Variants in OTOF observed in about 807,000 individuals in gnomAD.
OTOF encodes fer-1-like family member 2.
In OTOF, 218 loss-of-function variants were observed where a neutral mutation model predicts 236.8. The ratio of observed to expected loss-of-function variants is 0.92; its 90% confidence interval spans 0.82 to 1.03. The LOEUF (loss-of-function observed/expected upper bound fraction) is 1.03. Ranked by LOEUF, OTOF falls within the 50% of genes least tolerant of loss-of-function variation. The pLI, the probability that OTOF is intolerant of heterozygous loss-of-function variation, is 0.00. For synonymous variants in OTOF, 1,041 were observed against 1,072.5 expected (o/e 0.97, Z 0.57); for missense variants, 2,590 against 2,694.4 (o/e 0.96, Z 0.86).
rs375712326 is a variant in OTOF at position 26,463,516 on chromosome 2, G to A, written c.5159C>T (p.Thr1720Met). Residue 1720 changes from threonine to methionine, a missense_variant, in exon 41 of 47, where the codon ACG becomes ATG. Physicochemically the swap from Thr to Met is moderately conservative, Grantham distance 81. Transcript: ENST00000272371. ...CTTCCGAGGTGAGATGTCCAGAGGC[G>A]TCCCAGGGGCTGGCATGTCCATGGG... Reference protein sequence around the residue: ...MFPMDMPAPGTPLDISPRKPK... With the variant: ...MFPMDMPAPGMPLDISPRKPK... 512 of 1,608,732 alleles carry A rather than the reference G, an allele frequency of 3.2e-4. 3 individuals are homozygous for A. In the South Asian group the frequency reaches 4.0e-3, roughly 12 times the overall value.
At position 26,465,041 on chromosome 2, in the gene OTOF, G is replaced by A. The variant is rs1426421039; in HGVS notation, c.4800-12C>T. 1 of 1,467,196 alleles carries A rather than the reference G, an allele frequency of 6.8e-7. No individual in the cohort carries two copies. Among genetic ancestry groups the A allele is most frequent in the Non-Finnish European group, 9.1e-7 (1 of 1,103,348 alleles). The allele number at this position is 1,467,196 out of a possible 1,614,324, so 90.9% of individuals were successfully genotyped here. ...TATTGTAGCCATGTCTGTGGGAGGGGACACACAGGCTTGGAGGGGCTGGGT... is the reference window on the plus strand; with the variant it reads ...TATTGTAGCCATGTCTGTGGGAGGGAACACACAGGCTTGGAGGGGCTGGGT... On this transcript the variant is annotated splice_polypyrimidine_tract_variant and intron_variant, in intron 38 of 46. Transcript: ENST00000272371.
rs376124892 is a variant in OTOF at position 26,497,691 on chromosome 2, T to C, written c.766-2618A>G. ...GGGATATTTACAAATGAAGTGACAC[T>C]TGAACTAGGAAGCAAACATTTCCGT... On this transcript the variant is annotated intron_variant, in intron 8 of 46. Transcript: ENST00000272371. 7.2e-5 allele frequency among the ~76,000 whole-genome samples: 11 copies of C among 152,284 alleles called. No homozygotes were observed. The South Asian group carries it at 2.3e-3, about 32-fold the overall frequency.
Position 26,460,133 on chromosome 2 carries a change from A to G in OTOF, c.5886T>C (p.Tyr1962=), listed in dbSNP as rs1307261391. ...KSARYFLWHT[Y]RWLLLKLLLL... is the part of the protein sequence containing the mutation. ...GCAACAGTTTGAGGAGCAGCCAGCGATACGTGTGCCACAAGAAGTAGCGAG... is the reference window on the plus strand; with the variant it reads ...GCAACAGTTTGAGGAGCAGCCAGCGGTACGTGTGCCACAAGAAGTAGCGAG... Residue 1962 remains tyrosine (Y), a synonymous_variant, in exon 46 of 47, where the codon TAT becomes TAC. Coordinates refer to ENST00000272371, the MANE Select transcript of OTOF (RefSeq NM_194248.3). This position sits in a 1 kb window ranked among gnomAD's most constrained non-coding sequence, Gnocchi z 5.3. 4 of 1,599,888 alleles carry G rather than the reference A, an allele frequency of 2.5e-6. No individual in the cohort carries two copies. In the Admixed American group the frequency reaches 6.9e-5, roughly 28 times the overall value.
At chr2:26,537,967 C>T (rs1667115555) in intron 1 of OTOF, among the ~76,000 whole-genome samples, 193 bp from the exon 2 acceptor site, 1 of 152,178 alleles carries the variant, frequency 6.6e-6, no homozygotes, top group East Asian at 1.9e-4. Flanking sequence ...TCTCAGCAGC[C>T]TCGTGAGGGA....
rs1393260699 is a variant in OTOF, at chr2:26,465,968, G to A, written c.4609C>T (p.Leu1537Phe). 1 of 1,614,260 alleles carries A rather than the reference G, an allele frequency of 6.2e-7. No individual in the cohort carries two copies. The highest frequency in any genetic ancestry group is 8.5e-7 in the Non-Finnish European group (1 of 1,180,048). ...RDKENYISKQ[L>F]NPVFGKSFDI... ...CCTTACTTCCCAAAGACAGGGTTGA[G>A]CTGCTTGGAGATGTAGTTCTCCTTG... The change falls in exon 37 of 47, where the codon CTC (leucine) becomes TTC (phenylalanine). Residue 1537 changes from leucine to phenylalanine, a missense_variant. Physicochemically the swap from Leu to Phe is conservative, Grantham distance 22. This residue lies in a region of OTOF where 1,211 missense variants were observed against 1,352.8 expected (regional missense o/e 0.90). Transcript: ENST00000272371.
intron 5 of OTOF, among the ~76,000 whole-genome samples, chr2:26,505,412 TACACAC>T (rs10550936): frequency 6.7e-6 from 1 of 150,186 alleles, no homozygotes; most frequent in Non-Finnish European, 1.5e-5. Context: ...GGAGGTGAGT[TACACAC>T]ACACACACAC....
chr2:26,486,149 T>C (rs1287674808), intron 11 of OTOF, among the ~76,000 whole-genome samples: 1 of 150,998 alleles, frequency 6.6e-6, no homozygotes, highest in East Asian at 1.9e-4. Context: ...TGGGTAGATA[T>C]ATGGATGGGT....
rs968758318 is a variant in OTOF, at chr2:26,461,224, C to T, written c.5534-194G>A. ...GTGGGCTTGCTAGGCAGCCCCAGCC[C>T]CCATGCTTTACTCAGGTCCTTCTTT... is the stretch of plus-strand genomic sequence containing the variant. On this transcript the variant is annotated intron_variant, in intron 43 of 46. Coordinates refer to ENST00000272371, the MANE Select transcript of OTOF (RefSeq NM_194248.3). The surrounding 1 kb of genome is among the most constrained non-coding windows in gnomAD (Gnocchi z 6.2). Among the ~76,000 whole-genome samples, 2 of 152,164 alleles carry T rather than the reference C, an allele frequency of 1.3e-5. No homozygotes were observed. Among genetic ancestry groups the T allele is most frequent in the East Asian group, 3.9e-4 (2 of 5,188 alleles).
chr2:26,556,180 C>A (rs1195673961), intron 1 of OTOF, among the ~76,000 whole-genome samples: 2 of 152,198 alleles, frequency 1.3e-5, no homozygotes, highest in Non-Finnish European at 2.9e-5. Context: ...CACTCAAAAG[C>A]CTTGGGGAGC....
chr2:26,492,385 A>G (rs1462425185), intron 9 of OTOF, among the ~76,000 whole-genome samples: 1 of 152,230 alleles, frequency 6.6e-6, no homozygotes, highest in African/African-American at 2.4e-5. Flanking sequence ...CAGAAACAAA[A>G]TCAGAGCTAT....
At chr2:26,503,267 C>A (rs1038471893) in intron 6 of OTOF, among the ~76,000 whole-genome samples, 1 of 152,246 alleles carries the variant, frequency 6.6e-6, no homozygotes, top group African/African-American at 2.4e-5. Context: ...CTTCCCCTCT[C>A]CAGTCGCTCC....
At chr2:26,503,893 A>G (rs762346616) in intron 5 of OTOF, 48 bp from the exon 6 acceptor site, 1 of 1,518,348 alleles carries the variant, frequency 6.6e-7, no homozygotes, top group Non-Finnish European at 9.1e-7. Flanking sequence ...GGACGCATGG[A>G]GGAAAACACA....
chr2:26,492,461 G>A (rs528373586), intron 9 of OTOF, among the ~76,000 whole-genome samples: 14 of 152,362 alleles, frequency 9.2e-5, no homozygotes, highest in Admixed American at 7.2e-4. Flanking sequence ...AAGATGAGCA[G>A]AATGAATAGT....
intron 4 of OTOF, 105 bp from the exon 5 acceptor site, chr2:26,516,704 C>A (rs577434957): frequency 8.2e-7 from 1 of 1,224,278 alleles, no homozygotes. Flanking sequence ...CACACCCTTG[C>A]CTCACTGGAG....
At position 26,457,668 on chromosome 2, in the gene OTOF, T is replaced by G; in HGVS notation, c.*570A>C. The G allele has an allele frequency of 4.1e-6, 1 of 241,580 alleles. No homozygotes were observed. Among genetic ancestry groups the G allele is most frequent in the Non-Finnish European group, 8.1e-6 (1 of 122,988 alleles). 15.0% of individuals were successfully genotyped at this position (241,580 alleles called of 1,614,324 possible). On this transcript the variant is annotated 3_prime_UTR_variant, in exon 47 of 47. Transcript: ENST00000272371. This position sits in a 1 kb window ranked among gnomAD's most constrained non-coding sequence, Gnocchi z 4.4. ...AGCCCTGGGCACTGACCCATGGTCC[T>G]TGGTTAATTTCACTAAAGCTTCAAT...
chr2:26,471,130 C>T lies in OTOF; in HGVS notation c.3885G>A (p.Lys1295=), dbSNP rs1206267054. 1 of 1,614,138 alleles carries T rather than the reference C, an allele frequency of 6.2e-7. No individual in the cohort carries two copies. Among genetic ancestry groups the T allele is most frequent in the Admixed American group, 1.7e-5 (1 of 60,030 alleles). ...TGGCCCCCACACTCACCACATCCAC[C>T]TTGACAACAGCTTCAGAAGTCTGCA... is the stretch of plus-strand genomic sequence containing the variant. ...KLDATSEAVV[K]VDVAEEEKEK... is the part of the protein sequence containing the mutation. The change falls in exon 31 of 47, where the codon AAG becomes AAA. Residue 1295 remains lysine, a synonymous_variant. Transcript: ENST00000272371.
At chr2:26,546,748 GTT>G (rs35627471) in intron 1 of OTOF, among the ~76,000 whole-genome samples, 7 of 142,136 alleles carry the variant, frequency 4.9e-5, no homozygotes, top group African/African-American at 1.3e-4. Flanking sequence ...TACATGTTTG[GTT>G]TTTTTTTTTT....
At chr2:26,537,901 G>T in intron 1 of OTOF, 127 bp from the exon 2 acceptor site, 1 of 747,868 alleles carries the variant, frequency 1.3e-6, no homozygotes, top group Non-Finnish European at 2.4e-6. Flanking sequence ...GGACCTCGTG[G>T]CTTGCTCACC....
chr2:26,473,052 G>T lies in OTOF; in HGVS notation c.3733+80C>A, dbSNP rs1353606782. ...CCCCAAAGAGCAAACTCTGGTCGCG[G>T]CTTGGACTGGGCGGAGACCTGGAGC... On this transcript the variant is annotated intron_variant, in intron 29 of 46. Coordinates refer to ENST00000272371, the MANE Select transcript of OTOF (RefSeq NM_194248.3). This position sits in a 1 kb window ranked among gnomAD's most constrained non-coding sequence, Gnocchi z 7.2. 2 of 1,458,222 alleles carry T rather than the reference G, an allele frequency of 1.4e-6. No homozygotes were observed. Among genetic ancestry groups the T allele is most frequent in the South Asian group, 1.2e-5 (1 of 84,064 alleles). The allele number at this position is 1,458,222 out of a possible 1,614,324, so 90.3% of individuals were successfully genotyped here.
Sources: allele counts gnomAD v4.1 joint callset (sites outside exome capture counted in the v4.1 genomes callset), GRCh38; gene constraint gnomAD v4.1.1; regional missense constraint gnomAD v4.1.1; non-coding constraint Gnocchi (gnomAD v3.1); transcripts MANE v1.5; gene names NCBI Gene and HGNC (gene_info 2026-07-23, HGNC 2026-07-21).